The following C10orf67 variants were observed in gnomAD, a reference collection of about 807,000 sequenced individuals.
C10orf67 encodes the protein chromosome 10 open reading frame 67.
Under a neutral mutation model 35.6 loss-of-function variants are expected in C10orf67, and 60 were observed. The observed-to-expected ratio is 1.68, with a 90% confidence interval of 1.37 to 2.09. The LOEUF (loss-of-function observed/expected upper bound fraction) is 2.09, where lower values mean the gene tolerates loss of function less well. C10orf67 is among the 30% of genes most tolerant of loss of function. C10orf67 has a pLI of 0.00. For synonymous variants in C10orf67, 167 were observed against 115.8 expected, an observed-to-expected ratio of 1.44 and a Z score of -2.84; for missense variants, 474 against 330.2, an observed-to-expected ratio of 1.44 and a Z score of -3.38.
At chr10:23,205,373 T>A (rs989623067) in intron 15 of C10orf67, among the ~76,000 whole-genome samples, 1 of 152,242 alleles carries the variant, frequency 6.6e-6, no homozygotes, top group African/African-American at 2.4e-5. Context: ...GAGGCTGCAT[T>A]CAGCCCTTAT....
intron 1 of C10orf67, chr10:23,344,053 G>A (rs1371020151): frequency 6.3e-6 from 2 of 317,560 alleles, no homozygotes; most frequent in South Asian, 2.6e-5. Context: ...CTGAGTCGGA[G>A]TCGGGAACCC....
At chr10:23,342,556 C>T (rs1845940877) in intron 1 of C10orf67, among the ~76,000 whole-genome samples, 1 of 152,152 alleles carries the variant, frequency 6.6e-6, no homozygotes, top group Non-Finnish European at 1.5e-5. Context: ...TGCTCTTGAG[C>T]CTGGCAAGTG....
At chr10:23,304,945 T>C (rs1396123976) in intron 4 of C10orf67, among the ~76,000 whole-genome samples, 1 of 152,148 alleles carries the variant, frequency 6.6e-6, no homozygotes, top group Non-Finnish European at 1.5e-5. Context: ...CCCACTAACA[T>C]GGTCCCCATT....
chr10:23,238,176 C>A (rs1359676726), intron 13 of C10orf67, among the ~76,000 whole-genome samples: 1 of 152,158 alleles, frequency 6.6e-6, no homozygotes, highest in Non-Finnish European at 1.5e-5. Flanking sequence ...TAGCTTGGTG[C>A]TTGGTACGTA....
chr10:23,236,470 AAAC>A (rs960796520), intron 13 of C10orf67, among the ~76,000 whole-genome samples: 7 of 151,964 alleles, frequency 4.6e-5, no homozygotes, highest in African/African-American at 1.7e-4. Flanking sequence ...ACAAACAAAA[AAAC>A]AACAATATCA....
At chr10:23,227,591 A>C (rs1186234894) in intron 13 of C10orf67, among the ~76,000 whole-genome samples, 2 of 152,338 alleles carry the variant, frequency 1.3e-5, no homozygotes, top group South Asian at 2.1e-4. Context: ...TGGCCAGGGC[A>C]ATCAGGCAGG....
chr10:23,211,487 G>A (rs1421596152), intron 15 of C10orf67, among the ~76,000 whole-genome samples: 1 of 131,856 alleles, frequency 7.6e-6, no homozygotes, highest in South Asian at 2.5e-4. Context: ...GTGGGGGGGG[G>A]GGGTATCACA....
At chr10:23,304,229 T>C (rs1190165416) in intron 4 of C10orf67, among the ~76,000 whole-genome samples, 3 of 152,074 alleles carry the variant, frequency 2.0e-5, no homozygotes, top group African/African-American at 7.2e-5. Flanking sequence ...TCACAGCAGA[T>C]CTTGAAACAG....
rs1841060561 is a variant in C10orf67 at position 23,202,879 on chromosome 10, T to C, written c.*1294A>G. On this transcript the variant is annotated 3_prime_UTR_variant, in exon 16 of 16. Transcript: ENST00000636213. ...CAGAGAATACAAATTTTATTTCATT[T>C]CCTCTGTTTCTTGTAGGGTTGATTG... 1 of 152,232 alleles carries C rather than the reference T, an allele frequency of 6.6e-6. No individual in the cohort carries two copies. The highest frequency in any genetic ancestry group is 6.5e-5 in the Admixed American group (1 of 15,284). The allele number at this position is 152,232 out of a possible 1,614,324, so 9.4% of individuals were successfully genotyped here. A position where few individuals can be genotyped will look rare whatever the true frequency, so the allele number is the denominator to read the frequency against.
At chr10:23,209,278 A>T (rs1247130797) in intron 15 of C10orf67, among the ~76,000 whole-genome samples, 1 of 152,128 alleles carries the variant, frequency 6.6e-6, no homozygotes, top group African/African-American at 2.4e-5. Context: ...CAACCTCAAC[A>T]TTTAAGACAC....
At chr10:23,281,990 G>C (rs1467505828) in intron 8 of C10orf67, 23 bp downstream of exon 8, 3 of 571,978 alleles carry the variant, frequency 5.2e-6, no homozygotes, top group African/African-American at 2.0e-5. Context: ...AAATTTGTTA[G>C]GAAATAATGT....
chr10:23,299,648 C>G (rs1448610430), intron 5 of C10orf67, among the ~76,000 whole-genome samples: 1 of 152,106 alleles, frequency 6.6e-6, no homozygotes, highest in Admixed American at 6.5e-5. Context: ...TGGATAGTGA[C>G]AGATCTGGAG....
Position 23,298,261 on chromosome 10 carries a change from A to G in C10orf67, c.702+5043T>C, listed in dbSNP as rs189557947. ...CAGAGTGAGACTCTGTCTCAAAAAAACAAACAAACAAAAAAATAAAAACAA... is the reference window on the plus strand; with the variant it reads ...CAGAGTGAGACTCTGTCTCAAAAAAGCAAACAAACAAAAAAATAAAAACAA... On this transcript the variant is annotated intron_variant, in intron 5 of 15. Coordinates refer to ENST00000636213, the MANE Select transcript of C10orf67 (RefSeq NM_001371909.1). Among the ~76,000 whole-genome samples, 34 of 152,220 alleles carry G rather than the reference A, an allele frequency of 2.2e-4. No homozygotes were observed. The East Asian group carries it at 5.2e-3, about 23-fold the overall frequency.
Position 23,291,288 on chromosome 10 carries a change from T to C in C10orf67, c.703-9A>G, listed in dbSNP as rs1181816865. On this transcript the variant is annotated splice_polypyrimidine_tract_variant and intron_variant, in intron 5 of 15. Transcript: ENST00000636213. ...TCTTTGGCAAAAGATTCCTAAAAGA[T>C]GGAGAATGCCATATTCCTAAGCAGG... is the stretch of plus-strand genomic sequence containing the variant. 1.4e-6 allele frequency: 1 copy of C among 713,648 alleles called. No individual in the cohort carries two copies. The highest frequency in any genetic ancestry group is 2.0e-5 in the Admixed American group (1 of 49,488). 44.2% of individuals were successfully genotyped at this position (713,648 alleles called of 1,614,324 possible).
At chr10:23,305,803 T>C (rs1844253300) in intron 4 of C10orf67, among the ~76,000 whole-genome samples, 1 of 152,242 alleles carries the variant, frequency 6.6e-6, no homozygotes, top group South Asian at 2.1e-4. Flanking sequence ...AACTGCCATA[T>C]GATCCAGCTA....
intron 8 of C10orf67, among the ~76,000 whole-genome samples, chr10:23,278,400 T>C (rs879698810): frequency 8.5e-5 from 13 of 152,190 alleles, no homozygotes; most frequent in South Asian, 2.1e-4. Context: ...TCATGCCATA[T>C]ATAGTGTGGG....
chr10:23,201,923 C>T (rs1254571994), downstream of C10orf67: 3 of 152,238 alleles, frequency 2.0e-5, no homozygotes, highest in African/African-American at 7.2e-5. Flanking sequence ...AGTGGAAAGA[C>T]TGGCTTCACA....
chr10:23,269,113 T>G (rs1055301372), intron 8 of C10orf67, among the ~76,000 whole-genome samples: 3 of 152,232 alleles, frequency 2.0e-5, no homozygotes, highest in African/African-American at 4.8e-5. Context: ...ATAGAACCTG[T>G]GATCTTTAGA....
At chr10:23,335,413 T>A (rs1488083660) in intron 1 of C10orf67, among the ~76,000 whole-genome samples, 3 of 152,168 alleles carry the variant, frequency 2.0e-5, no homozygotes, top group African/African-American at 7.2e-5. Flanking sequence ...AGTTTCCTCT[T>A]ATGGAAAATA....
Sources: gnomAD v4.1 joint callset for allele counts (sites outside exome capture counted in the v4.1 genomes callset) on GRCh38, gnomAD v4.1.1 for gene constraint, MANE v1.5 for transcripts, NCBI Gene and HGNC (gene_info 2026-07-23, HGNC 2026-07-21) for gene names.